Variants in ADAM10 observed in about 807,000 individuals in gnomAD.
The protein encoded by ADAM10 is disintegrin and metalloproteinase domain-containing protein 10.
In ADAM10, 17 loss-of-function variants were observed where a neutral mutation model predicts 90.1. The observed-to-expected ratio is 0.19, with a 90% CI of 0.13 to 0.28. ADAM10 has a LOEUF of 0.28. Ranked by LOEUF, ADAM10 falls within the 10% of genes least tolerant of loss-of-function variation. The probability of loss-of-function intolerance (pLI) is 1.00; values close to 1 mark genes in which losing one functional copy is unlikely to be tolerated. For synonymous variants in ADAM10, 310 were observed against 298.6 expected, an observed-to-expected ratio of 1.04 and a Z score of -0.40; for missense variants, 610 against 914.3, an observed-to-expected ratio of 0.67 and a Z score of 4.29.
intron 5 of ADAM10, 142 bp from the exon 6 acceptor site, chr15:58,646,346 A>C (rs527909852): frequency 2.3e-6 from 2 of 864,892 alleles, no homozygotes; most frequent in East Asian, 5.4e-5. Flanking sequence ...AAAGTTCATA[A>C]AATCACTTTG....
chr15:58,610,694 T>C (rs1895414481), intron 13 of ADAM10, 177 bp from the exon 14 acceptor site: 1 of 704,652 alleles, frequency 1.4e-6, no homozygotes, highest in Admixed American at 2.2e-5. Context: ...TATTAAATGT[T>C]ACAATGTAAA....
Position 58,597,510 on chromosome 15 carries a change from T to C in ADAM10, c.*37A>G. ...TTCTCTTTGGAGTGAAGTTTTCCCA[T>C]TGTAGGCACTAGGAAGAACCAAGGC... is the stretch of plus-strand genomic sequence containing the variant. On this transcript the variant is annotated 3_prime_UTR_variant, in exon 16 of 16. Transcript: ENST00000260408. The C allele has an allele frequency of 1.2e-6, 2 of 1,614,092 alleles. No individual in the cohort carries two copies. The highest frequency in any genetic ancestry group is 1.7e-6 in the Non-Finnish European group (2 of 1,180,010).
chr15:58,717,288 G>C (rs1488324528), intron 2 of ADAM10, among the ~76,000 whole-genome samples: 4 of 152,116 alleles, frequency 2.6e-5, no homozygotes, highest in African/African-American at 9.7e-5. Flanking sequence ...ATAAAAAGTA[G>C]TCAGAAACTA....
chr15:58,748,921 G>C (rs570954403), intron 1 of ADAM10: 31 of 398,642 alleles, frequency 7.8e-5, no homozygotes, highest in Non-Finnish European at 1.4e-4. Flanking sequence ...GTCAGGACCG[G>C]CGCGCCGGGT....
chr15:58,633,109 G>A, intron 9 of ADAM10, 87 bp downstream of exon 9: 1 of 1,305,020 alleles, frequency 7.7e-7, no homozygotes, highest in Non-Finnish European at 1.1e-6. Context: ...AAGTACATTT[G>A]TTTTCACGGT....
chr15:58,659,622 T>C (rs1472495574), intron 5 of ADAM10, among the ~76,000 whole-genome samples: 23 of 152,192 alleles, frequency 1.5e-4, no homozygotes, highest in Admixed American at 1.5e-3. Context: ...TTTTAAGAAA[T>C]TTTACTTTTA....
chr15:58,674,833 G>A (rs1367640831), intron 4 of ADAM10, among the ~76,000 whole-genome samples: 5 of 152,312 alleles, frequency 3.3e-5, no homozygotes, highest in Non-Finnish European at 5.9e-5. Context: ...AGAGAAAGAA[G>A]AAATAAGTAT....
chr15:58,604,735 G>C (rs1175130653), intron 14 of ADAM10, among the ~76,000 whole-genome samples: 1 of 152,054 alleles, frequency 6.6e-6, no homozygotes, highest in Non-Finnish European at 1.5e-5. Flanking sequence ...AGTCTTTTTA[G>C]TACCTACACA....
chr15:58,650,974 C>A (rs188421460), intron 5 of ADAM10, among the ~76,000 whole-genome samples: 2 of 152,022 alleles, frequency 1.3e-5, no homozygotes, highest in East Asian at 3.9e-4. Flanking sequence ...GAAATATATT[C>A]ATCTTTTTTA....
rs202102515 is a variant in ADAM10, at chr15:58,597,094, A to T, written c.*453T>A. ...GTGTACGTAAGAAATACATGTCTGC[A>T]TATAACAAGGTATGTACATTGGCAA... On this transcript the variant is annotated 3_prime_UTR_variant, in exon 16 of 16. Transcript: ENST00000260408. 22 of 316,246 alleles carry T rather than the reference A, an allele frequency of 7.0e-5. No homozygotes were observed. Among genetic ancestry groups the T allele is most frequent in the Non-Finnish European group, 1.3e-4 (21 of 167,532 alleles). 19.6% of individuals were successfully genotyped at this position (316,246 alleles called of 1,614,324 possible).
chr15:58,612,602 C>A (rs1895474569), intron 11 of ADAM10, among the ~76,000 whole-genome samples: 1 of 152,124 alleles, frequency 6.6e-6, no homozygotes, highest in South Asian at 2.1e-4. Context: ...TACCACCAAG[C>A]CCCACCATCC....
At chr15:58,693,012 A>G in intron 2 of ADAM10, 1 of 780,508 alleles carries the variant, frequency 1.3e-6, no homozygotes. Flanking sequence ...CCAACTTGGA[A>G]GGGTCTGTCA....
chr15:58,731,982 A>G (rs1899262335), intron 1 of ADAM10, among the ~76,000 whole-genome samples: 1 of 152,232 alleles, frequency 6.6e-6, no homozygotes, highest in Admixed American at 6.5e-5. Flanking sequence ...GAAATCTTCT[A>G]GAAGGAAAAG....
At chr15:58,653,941 TTGTA>T (rs1244355721) in intron 5 of ADAM10, among the ~76,000 whole-genome samples, 1 of 152,186 alleles carries the variant, frequency 6.6e-6, no homozygotes, top group African/African-American at 2.4e-5. Flanking sequence ...TCTTGGTAGG[TTGTA>T]TGTGTCTAAG....
At chr15:58,647,745 G>C (rs1237026880) in intron 5 of ADAM10, among the ~76,000 whole-genome samples, 4 of 152,066 alleles carry the variant, frequency 2.6e-5, no homozygotes, top group Non-Finnish European at 2.9e-5. Context: ...AGAGACGGAG[G>C]TCTTCCTATG....
chr15:58,603,814 G>A (rs1434620345), intron 14 of ADAM10, among the ~76,000 whole-genome samples: 1 of 147,106 alleles, frequency 6.8e-6, no homozygotes, highest in Non-Finnish European at 1.5e-5. Context: ...TCCTTACAGT[G>A]GTATAGACAG....
chr15:58,717,942 G>C (rs958607027), intron 1 of ADAM10, among the ~76,000 whole-genome samples: 1 of 152,064 alleles, frequency 6.6e-6, no homozygotes, highest in Non-Finnish European at 1.5e-5. Flanking sequence ...TTAGCCATAG[G>C]TTTGTTTTAG....
At chr15:58,729,413 G>T (rs1899149101) in intron 1 of ADAM10, among the ~76,000 whole-genome samples, 1 of 152,104 alleles carries the variant, frequency 6.6e-6, no homozygotes, top group Non-Finnish European at 1.5e-5. Flanking sequence ...AACAGCATAG[G>T]TATCTCCGGG....
chr15:58,739,993 T>C (rs1321404169), intron 1 of ADAM10, among the ~76,000 whole-genome samples: 1 of 152,218 alleles, frequency 6.6e-6, no homozygotes, highest in Admixed American at 6.5e-5. Flanking sequence ...AAAATCCTAA[T>C]GTGAGTGAGA....
Sources: allele counts gnomAD v4.1 joint callset (sites outside exome capture counted in the v4.1 genomes callset), GRCh38; gene constraint gnomAD v4.1.1; transcripts MANE v1.5; gene names NCBI Gene and HGNC (gene_info 2026-07-23, HGNC 2026-07-21).